Variants in THSD7B observed in about 807,000 individuals in gnomAD.
THSD7B encodes thrombospondin type-1 domain-containing protein 7B.
In THSD7B, 138 loss-of-function variants were observed where a neutral mutation model predicts 213.6. The observed-to-expected ratio is 0.65, with a 90% confidence interval of 0.56 to 0.74. The LOEUF is 0.74. Ranked by LOEUF, THSD7B falls within the 30% of genes least tolerant of loss-of-function variation. The pLI is 0.00. For synonymous variants in THSD7B, 742 were observed against 687.0 expected (o/e 1.08, Z -1.25); for missense variants, 1,931 against 1,991.5 (o/e 0.97, Z 0.58).
chr2:137,095,209 C>T, intron 4 of THSD7B, 88 bp downstream of exon 4: 1 of 1,519,262 alleles, frequency 6.6e-7, no homozygotes. Context: ...AGCTGTGACT[C>T]ATATTTATTG....
intron 2 of THSD7B, among the ~76,000 whole-genome samples, chr2:136,952,730 TA>T (rs202129880): frequency 1.1e-4 from 16 of 152,076 alleles, no homozygotes; most frequent in African/African-American, 3.1e-4. Flanking sequence ...GGTATTCTTT[TA>T]TTTTTTTGAT....
At chr2:137,490,112 A>C (rs1688572164) in intron 15 of THSD7B, among the ~76,000 whole-genome samples, 1 of 152,332 alleles carries the variant, frequency 6.6e-6, no homozygotes, top group African/African-American at 2.4e-5. Flanking sequence ...ACTGTATTAA[A>C]GTGAGTATAG....
chr2:136,961,556 A>T (rs1484887195), intron 2 of THSD7B, among the ~76,000 whole-genome samples: 2 of 152,080 alleles, frequency 1.3e-5, no homozygotes, highest in African/African-American at 4.8e-5. Flanking sequence ...CTGTGAGGAG[A>T]TGGCCATGAT....
intron 10 of THSD7B, among the ~76,000 whole-genome samples, chr2:137,257,469 G>A (rs542965769): frequency 1.3e-5 from 2 of 152,162 alleles, no homozygotes; most frequent in African/African-American, 4.8e-5. Context: ...CAAAGATCCA[G>A]GGTATCTCAC....
intron 2 of THSD7B, among the ~76,000 whole-genome samples, chr2:136,994,175 G>A (rs1268970556): frequency 3.9e-5 from 6 of 152,144 alleles, no homozygotes; most frequent in Admixed American, 6.5e-5. Context: ...CATAATTGAC[G>A]AGGGCTGGCA....
In THSD7B at chr2:137,490,846, A is replaced by G. The variant is rs1344876908; in HGVS notation, c.3138+39823A>G. 7.2e-5 allele frequency among the ~76,000 whole-genome samples: 11 copies of G among 152,364 alleles called. No individual in the cohort carries two copies. In the East Asian group the frequency reaches 1.5e-3, roughly 21 times the overall value. On this transcript the variant is annotated intron_variant, in intron 15 of 27. Transcript: ENST00000409968. ...AATCTTTGCATGTATGCATTAATGAATATATTTTAATTACGAAGACAATTG... is the reference window on the plus strand; with the variant it reads ...AATCTTTGCATGTATGCATTAATGAGTATATTTTAATTACGAAGACAATTG...
At chr2:137,414,771 A>G (rs1686756383) in intron 14 of THSD7B, among the ~76,000 whole-genome samples, 1 of 150,762 alleles carries the variant, frequency 6.6e-6, no homozygotes, top group Non-Finnish European at 1.5e-5. Flanking sequence ...GAATTATATT[A>G]TAGGTTAGGT....
chr2:137,077,535 G>A (rs903526947), intron 3 of THSD7B, among the ~76,000 whole-genome samples: 2 of 152,052 alleles, frequency 1.3e-5, no homozygotes, highest in African/African-American at 2.4e-5. Context: ...GTGTGAGATG[G>A]TATCTCATTG....
At chr2:137,032,389 A>G (rs1448174119) in intron 2 of THSD7B, among the ~76,000 whole-genome samples, 1 of 152,192 alleles carries the variant, frequency 6.6e-6, no homozygotes, top group Non-Finnish European at 1.5e-5. Context: ...TATACTTGCA[A>G]CCAGTACTGT....
rs375765883 is a variant in THSD7B at position 137,115,117 on chromosome 2, C to T, written c.1200-7C>T. On this transcript the variant is annotated splice_polypyrimidine_tract_variant and splice_region_variant and intron_variant, in intron 4 of 27. Coordinates refer to ENST00000409968, the MANE Select transcript of THSD7B (RefSeq NM_001316349.2). ...TCTTCTTCTTTTAAATAAACCAAAC[C>T]AAACAGGTATTCCTGGAGAACTTCT... 4.3e-6 allele frequency: 7 copies of T among 1,613,836 alleles called. No homozygotes were observed. In the South Asian group the frequency reaches 6.6e-5, roughly 15 times the overall value.
intron 15 of THSD7B, among the ~76,000 whole-genome samples, chr2:137,495,011 T>C (rs1207853981): frequency 1.3e-5 from 2 of 152,186 alleles, no homozygotes; most frequent in East Asian, 3.9e-4. Context: ...TCCATTTTCC[T>C]GGCATGCTGG....
At chr2:136,882,386 T>C in intron 2 of THSD7B, 69 bp downstream of exon 2, 1 of 1,340,890 alleles carries the variant, frequency 7.5e-7, no homozygotes, top group Non-Finnish European at 9.6e-7. Flanking sequence ...CCATCCTTCT[T>C]CTTCTTCTTT....
chr2:137,047,543 G>A lies in THSD7B; in HGVS notation c.140-8877G>A, dbSNP rs1008015255. Among the ~76,000 whole-genome samples, 9 of 152,254 alleles carry A rather than the reference G, an allele frequency of 5.9e-5. 1 individual carries two copies. In the East Asian group the frequency reaches 7.7e-4, roughly 13 times the overall value. ...GCTTCTAATTTTAAACTAGGAAGAG[G>A]AGCTAAAAAAAGGAACTTGGAATGG... On this transcript the variant is annotated intron_variant, in intron 2 of 27. Coordinates refer to ENST00000409968, the MANE Select transcript of THSD7B (RefSeq NM_001316349.2).
chr2:137,276,923 T>A (rs970787851), intron 12 of THSD7B, among the ~76,000 whole-genome samples: 1 of 152,096 alleles, frequency 6.6e-6, no homozygotes, highest in Admixed American at 6.6e-5. Flanking sequence ...GGTAGTTTGA[T>A]TTAAGATTGC....
chr2:137,597,984 C>T (rs1232614022), intron 17 of THSD7B, among the ~76,000 whole-genome samples: 1 of 151,942 alleles, frequency 6.6e-6, no homozygotes, highest in Non-Finnish European at 1.5e-5. Flanking sequence ...CATAAAAGCC[C>T]CCAACAATTG....
chr2:137,650,242 A>T (rs1236754385), intron 21 of THSD7B, among the ~76,000 whole-genome samples: 1 of 152,144 alleles, frequency 6.6e-6, no homozygotes, highest in Non-Finnish European at 1.5e-5. Context: ...TTCATATATC[A>T]TCTTCAATTA....
chr2:136,819,937 G>A (rs2104937194), intron 1 of THSD7B, among the ~76,000 whole-genome samples: 1 of 152,178 alleles, frequency 6.6e-6, no homozygotes, highest in South Asian at 2.1e-4. Context: ...TAGGCCTAAT[G>A]TCTGGAAAGC....
chr2:137,488,241 A>G (rs1047066674), intron 15 of THSD7B, among the ~76,000 whole-genome samples: 18 of 152,178 alleles, frequency 1.2e-4, no homozygotes, highest in African/African-American at 4.1e-4. Context: ...TCTAACACTT[A>G]AAGTATACTG....
chr2:137,667,589 C>A (rs1683473577), intron 26 of THSD7B, among the ~76,000 whole-genome samples, 185 bp from the exon 27 acceptor site: 2 of 152,076 alleles, frequency 1.3e-5, no homozygotes, highest in African/African-American at 4.8e-5. Context: ...TTATACCTGG[C>A]AATTTACAGA....
Sources: gnomAD v4.1 joint callset for allele counts (sites outside exome capture counted in the v4.1 genomes callset) on GRCh38, gnomAD v4.1.1 for gene constraint, MANE v1.5 for transcripts, NCBI Gene and HGNC (gene_info 2026-07-23, HGNC 2026-07-21) for gene names.